Variants in KIF16B observed in about 807,000 individuals in gnomAD.
The protein encoded by KIF16B is kinesin-like protein KIF16B.
Under a neutral mutation model 156.3 loss-of-function variants are expected in KIF16B, and 98 were observed. The observed-to-expected ratio is 0.63, with a 90% CI of 0.53 to 0.74. KIF16B has a LOEUF of 0.74. Among genes scored for constraint, KIF16B ranks in the 30% least tolerant of loss-of-function variants. The pLI is 0.00. For synonymous variants in KIF16B, 564 were observed against 583.7 expected (o/e 0.97, Z 0.49); for missense variants, 1,421 against 1,606.5 (o/e 0.88, Z 1.97).
intron 25 of KIF16B, among the ~76,000 whole-genome samples, chr20:16,299,235 T>C (rs1355716333): frequency 6.6e-6 from 1 of 152,192 alleles, no homozygotes; most frequent in Non-Finnish European, 1.5e-5. Flanking sequence ...TGTGTGTGTG[T>C]ATGTGTGTGT....
At chr20:16,425,953 C>T (rs1270892897) in intron 15 of KIF16B, among the ~76,000 whole-genome samples, 1 of 152,096 alleles carries the variant, frequency 6.6e-6, no homozygotes, top group African/African-American at 2.4e-5. Context: ...AAAGAGGAAG[C>T]AAGGCATGTC....
At chr20:16,403,260 T>C (rs1377161109) in intron 17 of KIF16B, among the ~76,000 whole-genome samples, 1 of 152,196 alleles carries the variant, frequency 6.6e-6, no homozygotes, top group Admixed American at 6.5e-5. Context: ...GATCACACTA[T>C]TTTAGCTGAA....
intron 25 of KIF16B, among the ~76,000 whole-genome samples, chr20:16,310,594 T>A (rs1424861341): frequency 6.6e-6 from 1 of 152,206 alleles, no homozygotes; most frequent in African/African-American, 2.4e-5. Flanking sequence ...ATTCTCCATG[T>A]TTCCATTAAA....
chr20:16,549,654 G>T (rs1171132573), intron 1 of KIF16B, among the ~76,000 whole-genome samples: 1 of 151,020 alleles, frequency 6.6e-6, no homozygotes, highest in Non-Finnish European at 1.5e-5. Context: ...CAGAGATATA[G>T]ATCAATGGAA....
At chr20:16,484,980 T>C (rs980786709) in intron 12 of KIF16B, among the ~76,000 whole-genome samples, 4 of 152,200 alleles carry the variant, frequency 2.6e-5, no homozygotes, top group African/African-American at 7.2e-5. Flanking sequence ...ACTCATTCCT[T>C]TGGGTATTCC....
At chr20:16,431,349 C>T (rs1043092193) in intron 12 of KIF16B, among the ~76,000 whole-genome samples, 7 of 152,322 alleles carry the variant, frequency 4.6e-5, no homozygotes, top group African/African-American at 1.4e-4. Flanking sequence ...TGATGTTCTA[C>T]CAAATTCTAC....
intron 1 of KIF16B, among the ~76,000 whole-genome samples, chr20:16,563,594 A>C (rs1184285471): frequency 6.6e-6 from 1 of 152,198 alleles, no homozygotes; most frequent in Non-Finnish European, 1.5e-5. Flanking sequence ...AAACTGCTAT[A>C]TATCACACAA....
intron 25 of KIF16B, among the ~76,000 whole-genome samples, chr20:16,297,580 C>T (rs1215918824): frequency 1.3e-5 from 2 of 151,700 alleles, no homozygotes; most frequent in African/African-American, 4.8e-5. Context: ...CCTGTAGTCC[C>T]AGCTTCTTGG....
At chr20:16,482,375 A>C (rs960945768) in intron 12 of KIF16B, among the ~76,000 whole-genome samples, 1 of 152,064 alleles carries the variant, frequency 6.6e-6, no homozygotes, top group Non-Finnish European at 1.5e-5. Flanking sequence ...ATACAAACGG[A>C]GGGCAAGTCC....
rs528813610 is a variant in KIF16B, at chr20:16,370,601, A to G, written c.3483T>C (p.Arg1161=). The G allele has an allele frequency of 6.3e-7, 1 of 1,580,752 alleles. No homozygotes were observed. Among genetic ancestry groups the G allele is most frequent in the Non-Finnish European group, 8.5e-7 (1 of 1,170,214 alleles). The change falls in exon 22 of 26, where the codon CGT becomes CGC. Residue 1161 remains arginine (R), a synonymous_variant. Coordinates refer to ENST00000354981, the MANE Select transcript of KIF16B (RefSeq NM_024704.5). ...NEKLHNGTIQ[R]KLKYERMVSR... ...CATTACCTACCTCATATTTTAGTTT[A>G]CGTTGAATGGTGCCATTGTGAAGTT...
At position 16,311,227 on chromosome 20, in the gene KIF16B, G is replaced by A. The variant is rs117524746; in HGVS notation, c.3795+1108C>T. On this transcript the variant is annotated intron_variant, in intron 25 of 25. Coordinates refer to ENST00000354981, the MANE Select transcript of KIF16B (RefSeq NM_024704.5). ...CAAAGGGCTGGGCGCAGTGGCTCAC[G>A]CCTGTGATGCTAGCACATTGAGAGA... Among the ~76,000 whole-genome samples, 374 of 152,322 alleles carry A rather than the reference G, an allele frequency of 2.5e-3. 5 individuals carry two copies. In the East Asian group the frequency reaches 0.052, roughly 21 times the overall value.
Position 16,404,818 on chromosome 20 carries a change from G to T in KIF16B, c.1779C>A (p.Asn593Lys), listed in dbSNP as rs551148926. 17 of 1,610,812 alleles carry T rather than the reference G, an allele frequency of 1.1e-5. No individual in the cohort carries two copies. In the Admixed American group the frequency reaches 1.8e-4, roughly 17 times the overall value. The change falls in exon 17 of 26, where the codon AAC (asparagine) becomes AAA (lysine). Residue 593 changes from asparagine (N) to lysine (K), a missense_variant. Coordinates refer to ENST00000354981, the MANE Select transcript of KIF16B (RefSeq NM_024704.5). ...AGATGCTGCTGTTCACTCACCCGGG[G>T]TTATACAACATGACTGCAGACAGGT... ...RENLSAVMLY[N>K]PGLEFERQQR...
Position 16,365,907 on chromosome 20 carries a change from T to G in KIF16B, c.3498+4679A>C, listed in dbSNP as rs534737036. Among the ~76,000 whole-genome samples, 3 of 150,582 alleles carry G rather than the reference T, an allele frequency of 2.0e-5. No homozygotes were observed. The South Asian group carries it at 6.4e-4, about 32-fold the overall frequency. ...GGGCTAAAGATGGTTTGGCTGAGAGTGGATGGAGGGTGGGCTGAGCAAGAC... is the reference window on the plus strand; with the variant it reads ...GGGCTAAAGATGGTTTGGCTGAGAGGGGATGGAGGGTGGGCTGAGCAAGAC... On this transcript the variant is annotated intron_variant, in intron 22 of 25. Coordinates refer to ENST00000354981, the MANE Select transcript of KIF16B (RefSeq NM_024704.5).
chr20:16,389,116 G>A (rs1391217750), intron 17 of KIF16B, among the ~76,000 whole-genome samples: 1 of 152,180 alleles, frequency 6.6e-6, no homozygotes, highest in Non-Finnish European at 1.5e-5. Context: ...GTGGGCACAT[G>A]ATCAGACAAG....
chr20:16,378,739 G>T, intron 19 of KIF16B, 66 bp downstream of exon 19: 5 of 1,386,412 alleles, frequency 3.6e-6, no homozygotes, highest in Non-Finnish European at 4.9e-6. Flanking sequence ...AACACAACAT[G>T]AGGAGTGAAA....
chr20:16,299,080 G>A (rs2063433896), intron 25 of KIF16B, among the ~76,000 whole-genome samples: 1 of 152,142 alleles, frequency 6.6e-6, no homozygotes, highest in Non-Finnish European at 1.5e-5. Context: ...GATGAATTTG[G>A]AGCGTGTGTG....
intron 22 of KIF16B, among the ~76,000 whole-genome samples, chr20:16,358,496 G>C (rs1285405276): frequency 6.6e-6 from 1 of 152,204 alleles, no homozygotes. Context: ...ATAAGATGTG[G>C]AATCCAATCC....
intron 12 of KIF16B, among the ~76,000 whole-genome samples, chr20:16,445,864 G>A (rs1027475827): frequency 1.3e-5 from 2 of 152,028 alleles, no homozygotes; most frequent in Non-Finnish European, 2.9e-5. Context: ...AAATACTGGG[G>A]CTTCCATTTT....
At chr20:16,437,194 T>C (rs570275711) in intron 12 of KIF16B, among the ~76,000 whole-genome samples, 16 of 152,326 alleles carry the variant, frequency 1.1e-4, no homozygotes, top group African/African-American at 3.8e-4. Context: ...GTCTAACATA[T>C]CATACATATC....
Sources: gnomAD v4.1 joint callset for allele counts (sites outside exome capture counted in the v4.1 genomes callset) on GRCh38, gnomAD v4.1.1 for gene constraint, MANE v1.5 for transcripts, NCBI Gene and HGNC (gene_info 2026-07-23, HGNC 2026-07-21) for gene names.